The following KCNIP1 variants were observed in gnomAD, a reference collection of about 807,000 sequenced individuals.
KCNIP1 encodes A-type potassium channel modulatory protein KCNIP1.
KCNIP1 carries 18 observed loss-of-function variants against 33.0 expected under a neutral mutation model. The observed-to-expected ratio is 0.55, with a 90% confidence interval of 0.38 to 0.81. KCNIP1 has a LOEUF of 0.81. KCNIP1 is among the 30% of genes least tolerant of loss of function. The pLI is 0.00. For synonymous variants in KCNIP1, 93 were observed against 98.3 expected (o/e 0.95, Z 0.32); for missense variants, 238 against 271.6 (o/e 0.88, Z 0.87).
intron 1 of KCNIP1, among the ~76,000 whole-genome samples, chr5:170,632,449 T>G (rs1760084331): frequency 6.6e-6 from 1 of 152,220 alleles, no homozygotes; most frequent in Non-Finnish European, 1.5e-5. Flanking sequence ...GCAGCCTCCT[T>G]TGGCAGGGGC....
intron 5 of KCNIP1, among the ~76,000 whole-genome samples, chr5:170,724,364 G>A (rs1763936851): frequency 6.6e-6 from 1 of 152,118 alleles, no homozygotes; most frequent in African/African-American, 2.4e-5. Flanking sequence ...CGTGAGCACA[G>A]ATAAAAAAGC....
At chr5:170,614,073 C>T (rs886594210) in intron 1 of KCNIP1, among the ~76,000 whole-genome samples, 2 of 152,198 alleles carry the variant, frequency 1.3e-5, no homozygotes, top group Non-Finnish European at 2.9e-5. Flanking sequence ...AGGATGTGTC[C>T]CTCGGGGAGG....
chr5:170,490,330 TC>T (rs2113198365), intron 1 of KCNIP1, among the ~76,000 whole-genome samples: 1 of 152,340 alleles, frequency 6.6e-6, no homozygotes, highest in East Asian at 1.9e-4. Context: ...TGTGAAATTC[TC>T]CCACATTGAC....
intron 1 of KCNIP1, among the ~76,000 whole-genome samples, chr5:170,450,883 TG>T (rs2113071814): frequency 6.6e-6 from 1 of 152,138 alleles, no homozygotes; most frequent in East Asian, 1.9e-4. Context: ...TTTGAGAGGG[TG>T]GGACTGTGGC....
chr5:170,703,982 T>C lies in KCNIP1; in HGVS notation c.62-14776T>C, dbSNP rs947369182. On this transcript the variant is annotated intron_variant, in intron 1 of 7. Transcript: ENST00000328939. ...AAACTGTGACACCCAAAGGTAGATT[T>C]TGATACCTGCTGGGTGATTGCTAGA... Among the ~76,000 whole-genome samples, 5 of 138,326 alleles carry C rather than the reference T, an allele frequency of 3.6e-5. 2 individuals are homozygous for C. The highest frequency in any genetic ancestry group is 1.3e-4 in the African/African-American group (5 of 37,784). The allele number at this position is 138,326 out of a possible 152,430, so 90.7% of individuals were successfully genotyped here.
At chr5:170,572,412 G>A (rs551182364) in intron 1 of KCNIP1, among the ~76,000 whole-genome samples, 9 of 152,312 alleles carry the variant, frequency 5.9e-5, no homozygotes, top group Non-Finnish European at 1.3e-4. Flanking sequence ...GAATGGCTGG[G>A]ATTTGTGTGG....
chr5:170,501,052 TAG>T (rs1409313225), upstream of KCNIP1, among the ~76,000 whole-genome samples: 2 of 152,030 alleles, frequency 1.3e-5, no homozygotes, highest in African/African-American at 2.4e-5. Flanking sequence ...AAGCAGAAAG[TAG>T]AGAGTTAAAT....
intron 1 of KCNIP1, among the ~76,000 whole-genome samples, chr5:170,474,388 C>T (rs553455818): frequency 1.3e-5 from 2 of 152,240 alleles, no homozygotes; most frequent in African/African-American, 2.4e-5. Flanking sequence ...ACCCCCGCCC[C>T]CCATACCTAT....
At chr5:170,605,223 T>C (rs1205886973) in intron 1 of KCNIP1, among the ~76,000 whole-genome samples, 2 of 152,014 alleles carry the variant, frequency 1.3e-5, no homozygotes, top group African/African-American at 4.8e-5. Context: ...CGACCTCCCA[T>C]GGGTGCTGCT....
chr5:170,429,700 G>A (rs1581184540), intron 1 of KCNIP1, among the ~76,000 whole-genome samples: 1 of 152,094 alleles, frequency 6.6e-6, no homozygotes, highest in African/African-American at 2.4e-5. Context: ...TCCCATTTAT[G>A]GGTGGGAACA....
intron 1 of KCNIP1, among the ~76,000 whole-genome samples, chr5:170,589,664 C>T (rs557716561): frequency 1.3e-5 from 2 of 151,646 alleles, no homozygotes; most frequent in Non-Finnish European, 2.9e-5. Flanking sequence ...GGCACAGACT[C>T]GAATGAAAGG....
At chr5:170,480,526 G>C (rs1756954007) in intron 1 of KCNIP1, among the ~76,000 whole-genome samples, 1 of 147,882 alleles carries the variant, frequency 6.8e-6, no homozygotes, top group South Asian at 2.1e-4. Flanking sequence ...ACCCAGGCTA[G>C]AGTGCAGTGT....
At chr5:170,397,350 A>G (rs905929051) in intron 1 of KCNIP1, among the ~76,000 whole-genome samples, 1 of 152,186 alleles carries the variant, frequency 6.6e-6, no homozygotes, top group African/African-American at 2.4e-5. Context: ...GTCCCCAGTG[A>G]TCAGTTTCCA....
chr5:170,680,868 A>T lies in KCNIP1; in HGVS notation c.62-37890A>T. 3 of 390,904 alleles carry T rather than the reference A, an allele frequency of 7.7e-6. No homozygotes were observed. The East Asian group carries it at 1.1e-4, about 14-fold the overall frequency. 24.2% of individuals were successfully genotyped at this position (390,904 alleles called of 1,614,324 possible). ...ATAAAAGCAAATATTACTATGAAAC[A>T]TAGAGATTACCAGGTAGGAGGAGGA... is the stretch of plus-strand genomic sequence containing the variant. On this transcript the variant is annotated intron_variant, in intron 1 of 7. Transcript: ENST00000328939.
intron 1 of KCNIP1, among the ~76,000 whole-genome samples, chr5:170,570,281 T>C (rs1245710194): frequency 1.3e-5 from 2 of 152,236 alleles, no homozygotes; most frequent in Non-Finnish European, 2.9e-5. Context: ...ATAGCTGCTA[T>C]AGTCTTCTTC....
At chr5:170,464,904 T>C (rs1044954891) in intron 1 of KCNIP1, among the ~76,000 whole-genome samples, 3 of 152,158 alleles carry the variant, frequency 2.0e-5, no homozygotes, top group African/African-American at 7.2e-5. Context: ...CAGCCTGCTT[T>C]CTAGTCTCTG....
intron 1 of KCNIP1, among the ~76,000 whole-genome samples, chr5:170,367,356 A>AAGGAAG (rs1561586729): frequency 1.2e-3 from 69 of 59,330 alleles, no homozygotes; most frequent in East Asian, 5.6e-3. Flanking sequence ...AGAAAAAGAA[A>AAGGAAG]GAAAGAAAGA....
At chr5:170,428,133 C>T (rs891277284) in intron 1 of KCNIP1, among the ~76,000 whole-genome samples, 1 of 152,124 alleles carries the variant, frequency 6.6e-6, no homozygotes, top group Admixed American at 6.6e-5. Context: ...CTGTGTTCCT[C>T]AGTGAAGTTG....
intron 1 of KCNIP1, among the ~76,000 whole-genome samples, chr5:170,630,644 T>C (rs1760021596): frequency 6.6e-6 from 1 of 152,114 alleles, no homozygotes; most frequent in African/African-American, 2.4e-5. Context: ...GCAGAGGATG[T>C]GAATGGGCAC....
Sources: gnomAD v4.1 joint callset for allele counts (sites outside exome capture counted in the v4.1 genomes callset) on GRCh38, gnomAD v4.1.1 for gene constraint, MANE v1.5 for transcripts, NCBI Gene and HGNC (gene_info 2026-07-23, HGNC 2026-07-21) for gene names.